The following NR6A1 variants were observed in gnomAD, a reference collection of about 807,000 sequenced individuals.
NR6A1 encodes the protein nuclear receptor subfamily 6 group A member 1.
Under a neutral mutation model 59.1 loss-of-function variants are expected in NR6A1, and 7 were observed. The ratio of observed to expected loss-of-function variants is 0.12; its 90% CI spans 0.07 to 0.22. NR6A1 has a LOEUF of 0.22. Among genes scored for constraint, NR6A1 ranks in the 10% least tolerant of loss-of-function variants. The pLI is 1.00. For synonymous variants in NR6A1, 243 were observed against 236.1 expected, an observed-to-expected ratio of 1.03 and a Z score of -0.27; for missense variants, 468 against 611.6, an observed-to-expected ratio of 0.77 and a Z score of 2.48.
chr9:124,589,576 G>A (rs1056084825), intron 2 of NR6A1, among the ~76,000 whole-genome samples: 1 of 152,238 alleles, frequency 6.6e-6, no homozygotes, highest in African/African-American at 2.4e-5. Flanking sequence ...TGGTTGCCAA[G>A]CCTTTCATTT....
chr9:124,666,716 T>C (rs1837632736), intron 2 of NR6A1, among the ~76,000 whole-genome samples: 5 of 152,212 alleles, frequency 3.3e-5, no homozygotes, highest in Admixed American at 3.3e-4. Flanking sequence ...AAAGGATATC[T>C]GTTGACAGCT....
At chr9:124,759,118 C>T (rs1425193594) in intron 1 of NR6A1, among the ~76,000 whole-genome samples, 1 of 152,306 alleles carries the variant, frequency 6.6e-6, no homozygotes, top group East Asian at 1.9e-4. Flanking sequence ...ACCCACACTG[C>T]CTATCCTCTT....
chr9:124,765,104 T>A (rs1415705652), intron 1 of NR6A1, among the ~76,000 whole-genome samples: 1 of 152,238 alleles, frequency 6.6e-6, no homozygotes, highest in African/African-American at 2.4e-5. Flanking sequence ...GACACTTTTT[T>A]AAAGTTAATT....
At chr9:124,648,038 A>AT (rs1372148341) in intron 2 of NR6A1, among the ~76,000 whole-genome samples, 3 of 152,208 alleles carry the variant, frequency 2.0e-5, no homozygotes, top group African/African-American at 7.2e-5. Context: ...ATGAACACAG[A>AT]TGCAAAAATC....
Position 124,604,294 on chromosome 9 carries a change from T to C in NR6A1, c.143-49724A>G, listed in dbSNP as rs574573999. Among the ~76,000 whole-genome samples, 14 of 152,306 alleles carry C rather than the reference T, an allele frequency of 9.2e-5. 1 individual carries two copies. In the South Asian group the frequency reaches 2.7e-3, roughly 29 times the overall value. On this transcript the variant is annotated intron_variant, in intron 2 of 9. Coordinates refer to ENST00000487099, the MANE Select transcript of NR6A1 (RefSeq NM_033334.4). ...TCAGACAAGTCCAAACTTGTCTTCC[T>C]TTAAAACTCTGTTCCTCTCTCTGGC...
chr9:124,716,001 G>A (rs558921741), intron 2 of NR6A1, among the ~76,000 whole-genome samples: 4 of 152,182 alleles, frequency 2.6e-5, no homozygotes, highest in Middle Eastern at 3.4e-3. Context: ...CCAGGAGTTC[G>A]AGACCAGCCT....
At chr9:124,634,410 C>T (rs1283684767) in intron 2 of NR6A1, among the ~76,000 whole-genome samples, 1 of 152,206 alleles carries the variant, frequency 6.6e-6, no homozygotes, top group African/African-American at 2.4e-5. Flanking sequence ...CTTTTAAAAA[C>T]ACAATTCCAT....
chr9:124,641,308 G>A (rs1036219057), intron 2 of NR6A1, among the ~76,000 whole-genome samples: 3 of 147,732 alleles, frequency 2.0e-5, no homozygotes, highest in South Asian at 2.1e-4. Context: ...GCCGTGAGCC[G>A]AGATCACCCC....
intron 4 of NR6A1, among the ~76,000 whole-genome samples, chr9:124,542,004 C>T (rs1833461920): frequency 6.6e-6 from 1 of 152,108 alleles, no homozygotes; most frequent in Admixed American, 6.5e-5. Flanking sequence ...TGGTGGCTGC[C>T]ATGGGCAAAG....
chr9:124,548,020 AG>A (rs1833651958), intron 3 of NR6A1, among the ~76,000 whole-genome samples: 1 of 152,100 alleles, frequency 6.6e-6, no homozygotes, highest in African/African-American at 2.4e-5. Flanking sequence ...TAGAAATAAA[AG>A]GAACACTGCC....
chr9:124,716,036 C>G (rs1323439783), intron 2 of NR6A1, among the ~76,000 whole-genome samples: 2 of 152,006 alleles, frequency 1.3e-5, no homozygotes, highest in African/African-American at 4.8e-5. Context: ...AACCCTGTCT[C>G]TACCAAAAAT....
chr9:124,733,297 T>C lies in NR6A1; in HGVS notation c.142+11A>G. ...CTTACCAAAGAATATTGGGTAACAT[T>C]GAGAACTTACTAGTGCCTGGGTCAA... On this transcript the variant is annotated intron_variant, in intron 2 of 9. Coordinates refer to ENST00000487099, the MANE Select transcript of NR6A1 (RefSeq NM_033334.4). 6.3e-7 allele frequency: 1 copy of C among 1,594,172 alleles called. No individual in the cohort carries two copies. Among genetic ancestry groups the C allele is most frequent in the Non-Finnish European group, 8.6e-7 (1 of 1,161,872 alleles).
chr9:124,734,704 C>CA (rs1050613538), intron 1 of NR6A1, among the ~76,000 whole-genome samples: 40 of 150,960 alleles, frequency 2.6e-4, no homozygotes, highest in African/African-American at 8.2e-4. Context: ...AAAAATAAAA[C>CA]AAAAAAAAGA....
At chr9:124,716,849 C>T (rs1388470686) in intron 2 of NR6A1, among the ~76,000 whole-genome samples, 1 of 152,148 alleles carries the variant, frequency 6.6e-6, no homozygotes, top group East Asian at 1.9e-4. Context: ...CTTGCCCACA[C>T]TGGTCTCGAA....
intron 9 of NR6A1, 81 bp downstream of exon 9, chr9:124,524,640 C>A: frequency 6.6e-7 from 1 of 1,524,628 alleles, no homozygotes. Context: ...AAAGAGCACC[C>A]TGAAAACACT....
intron 1 of NR6A1, among the ~76,000 whole-genome samples, chr9:124,739,000 TAA>T (rs397703492): frequency 3.6e-5 from 5 of 137,664 alleles, no homozygotes; most frequent in Non-Finnish European, 3.1e-5. Context: ...AGACTCCATC[TAA>T]AAAAAAAAAA....
intron 2 of NR6A1, among the ~76,000 whole-genome samples, chr9:124,624,566 G>A (rs77017590): frequency 0.012 from 1,839 of 152,242 alleles, 33 homozygotes; most frequent in African/African-American, 0.04. Context: ...ACGCTGGGAC[G>A]GGAGTTATCC....
chr9:124,677,861 A>G (rs776680917), intron 2 of NR6A1, among the ~76,000 whole-genome samples: 24 of 152,170 alleles, frequency 1.6e-4, no homozygotes, highest in Non-Finnish European at 3.1e-4. Context: ...CAGTGACCCC[A>G]TGAAACAGAG....
At chr9:124,729,309 T>G (rs1839817956) in intron 2 of NR6A1, among the ~76,000 whole-genome samples, 1 of 152,200 alleles carries the variant, frequency 6.6e-6, no homozygotes, top group Non-Finnish European at 1.5e-5. Flanking sequence ...TTATGGAAAA[T>G]GTATGAAAGA....
Sources: allele counts gnomAD v4.1 joint callset (sites outside exome capture counted in the v4.1 genomes callset), GRCh38; gene constraint gnomAD v4.1.1; transcripts MANE v1.5; gene names NCBI Gene and HGNC (gene_info 2026-07-23, HGNC 2026-07-21).